Variants in DDB1 observed in about 807,000 individuals in gnomAD.
DDB1 encodes damage specific DNA binding protein 1, also known as DNA damage-binding protein 1.
A neutral mutation model predicts 133.1 loss-of-function variants in DDB1; 18 were observed. That is an observed-to-expected ratio of 0.14 (90% CI 0.09 to 0.20). DDB1 has a LOEUF of 0.20. Among genes scored for constraint, DDB1 ranks in the 10% least tolerant of loss-of-function variants. DDB1 has a pLI of 1.00. For synonymous variants in DDB1, 580 were observed against 550.5 expected (o/e 1.05, Z -0.75); for missense variants, 828 against 1,459.2 (o/e 0.57, Z 7.05).
chr11:61,307,080 G>C (rs894177522), intron 21 of DDB1, among the ~76,000 whole-genome samples: 1 of 152,272 alleles, frequency 6.6e-6, no homozygotes, highest in East Asian at 1.9e-4. Context: ...CTGTCACTCG[G>C]TTTGAGATCC....
In DDB1 at chr11:61,302,248, G is replaced by A. The variant is rs758316619; in HGVS notation, c.3215+9C>T. ...CTTCCCAGCAAGGGGATGGCTCTGGGAAGGATATAAGGAGTGCTCGATCTT... is the reference window on the plus strand; with the variant it reads ...CTTCCCAGCAAGGGGATGGCTCTGGAAAGGATATAAGGAGTGCTCGATCTT... On this transcript the variant is annotated intron_variant, in intron 25 of 26. Transcript: ENST00000301764. 9 of 1,612,506 alleles carry A rather than the reference G, an allele frequency of 5.6e-6. No individual in the cohort carries two copies. The highest frequency in any genetic ancestry group is 3.3e-4 in the Middle Eastern group (2 of 6,084).
intron 10 of DDB1, among the ~76,000 whole-genome samples, chr11:61,320,732 T>C (rs1197163093): frequency 6.6e-6 from 1 of 152,200 alleles, no homozygotes; most frequent in Non-Finnish European, 1.5e-5. Context: ...TATACAACTT[T>C]AAGGTGGTTT....
At chr11:61,315,400 C>T (rs1276214139) in intron 12 of DDB1, 1 of 152,180 alleles carries the variant, frequency 6.6e-6, no homozygotes, top group African/African-American at 2.4e-5. Context: ...TGGTGCCAGT[C>T]TTCAGGCCAA....
Position 61,302,574 on chromosome 11 carries a change from G to A in DDB1, c.3112+8C>T, listed in dbSNP as rs1855816673. 1.2e-6 allele frequency: 2 copies of A among 1,614,118 alleles called. No individual in the cohort carries two copies. Among genetic ancestry groups the A allele is most frequent in the East Asian group, 4.5e-5 (2 of 44,874 alleles). ...GTGTGGGGGTGTGCCCCACAGGGGT[G>A]ACCTTACCTATCATGCCGTTGACCG... is the stretch of plus-strand genomic sequence containing the variant. On this transcript the variant is annotated splice_region_variant and intron_variant, in intron 24 of 26. Coordinates refer to ENST00000301764, the MANE Select transcript of DDB1 (RefSeq NM_001923.5).
chr11:61,311,915 C>T lies in DDB1; in HGVS notation c.2166-20G>A. On this transcript the variant is annotated intron_variant, in intron 17 of 26. Coordinates refer to ENST00000301764, the MANE Select transcript of DDB1 (RefSeq NM_001923.5). ...ATCTTCCTGCAGAACAAGTACAGAA[C>T]AACAGTGTCACTTAGAAAGTCAGAA... 6.2e-7 allele frequency: 1 copy of T among 1,614,032 alleles called. No homozygotes were observed. The highest frequency in any genetic ancestry group is 1.7e-4 in the Middle Eastern group (1 of 6,060).
chr11:61,316,956 T>TAGATATATATAG (rs1297375112), intron 10 of DDB1, among the ~76,000 whole-genome samples: 1 of 10,976 alleles, frequency 9.1e-5, no homozygotes, highest in Non-Finnish European at 1.7e-4. Context: ...GATATATATA[T>TAGATATATATAG]ATATATATAT....
In DDB1 at chr11:61,316,320, A is replaced by G; in HGVS notation, c.1375T>C (p.Phe459Leu). ...MGFVDDQQTFFCGNVAHQQLI... is the reference protein window; with the variant it reads ...MGFVDDQQTFLCGNVAHQQLI... ...TGCTGATGAGCCACGTTGCCACAGA[A>G]GAAAGTCTGCTGATCATCCACGAAA... Residue 459 changes from phenylalanine to leucine, a missense_variant, in exon 12 of 27, where the codon TTC becomes CTC. Physicochemically the swap from Phe to Leu is conservative, Grantham distance 22 (BLOSUM62 0). Transcript: ENST00000301764. 6.2e-7 allele frequency: 1 copy of G among 1,614,202 alleles called. No individual in the cohort carries two copies. Among genetic ancestry groups the G allele is most frequent in the Non-Finnish European group, 8.5e-7 (1 of 1,180,036 alleles).
intron 24 of DDB1, 101 bp downstream of exon 24, chr11:61,302,481 T>C (rs974584607): frequency 6.3e-7 from 1 of 1,582,504 alleles, no homozygotes; most frequent in South Asian, 1.1e-5. Context: ...CCTCCTCTAG[T>C]AAACACCTAG....
chr11:61,324,637 A>G (rs1405281918), intron 6 of DDB1, among the ~76,000 whole-genome samples: 3 of 152,156 alleles, frequency 2.0e-5, no homozygotes, highest in Non-Finnish European at 4.4e-5. Flanking sequence ...GACTCAAGCC[A>G]TCCTCCCAAG....
chr11:61,317,006 G>A (rs1184653551), intron 10 of DDB1, among the ~76,000 whole-genome samples: 4 of 108,142 alleles, frequency 3.7e-5, no homozygotes, highest in African/African-American at 6.4e-5. Flanking sequence ...TATAGACATG[G>A]CAGCCTGACA....
chr11:61,310,722 A>G (rs897519161), intron 18 of DDB1: 1 of 218,112 alleles, frequency 4.6e-6, no homozygotes, highest in Non-Finnish European at 9.0e-6. Context: ...CTCAATGGGA[A>G]GAGGAGGGGG....
chr11:61,317,125 T>A (rs1856100383), intron 10 of DDB1, among the ~76,000 whole-genome samples: 1 of 151,196 alleles, frequency 6.6e-6, no homozygotes, highest in African/African-American at 2.4e-5. Context: ...TGTTTGCTTG[T>A]TTTTTTTGAG....
intron 12 of DDB1, chr11:61,315,418 A>G (rs1378150738): frequency 2.0e-5 from 3 of 152,202 alleles, no homozygotes; most frequent in African/African-American, 2.4e-5. Context: ...CAATAGTTAG[A>G]TAACACTGAC....
At position 61,311,999 on chromosome 11, in the gene DDB1, CAT is replaced by C. The variant is rs1330105146; in HGVS notation, c.2153_2154del (p.Tyr718Ter). The C allele has an allele frequency of 6.2e-7, 1 of 1,614,234 alleles. No individual in the cohort carries two copies. On this transcript the variant is annotated frameshift_variant, in exon 17 of 27. Transcript: ENST00000301764. LOFTEE classifies it high-confidence loss of function. Reference protein sequence around the residue: ...QKLHIRTVPLYESPRKICYQE... With the variant: ...QKLHIRTVPLXESPRKICYQE... ...CACCCTGGGCCTCACCTTGGAGACTCATAGAGGGGAACTGTGCGAATGTGCAG... is the reference window on the plus strand; with the variant it reads ...CACCCTGGGCCTCACCTTGGAGACTCAGAGGGGAACTGTGCGAATGTGCAG...
chr11:61,312,740 A>G (rs1028619363), intron 16 of DDB1, among the ~76,000 whole-genome samples: 1 of 152,070 alleles, frequency 6.6e-6, no homozygotes, highest in Non-Finnish European at 1.5e-5. Flanking sequence ...CTGGGATTAC[A>G]GGTGCCTGCC....
Position 61,330,050 on chromosome 11 carries a change from T to C in DDB1, c.235A>G (p.Ile79Val). The C allele has an allele frequency of 3.1e-6, 5 of 1,613,748 alleles. No homozygotes were observed. The highest frequency in any genetic ancestry group is 2.2e-5 in the East Asian group (1 of 44,864). The change falls in exon 3 of 27, where the codon ATC becomes GTC. Residue 79 changes from isoleucine (I) to valine (V), a missense_variant. Around this residue, in one of 7 missense-constraint regions of DDB1, gnomAD observed 210 missense variants for 344.8 expected, o/e 0.61. Coordinates refer to ENST00000301764, the MANE Select transcript of DDB1 (RefSeq NM_001923.5). ...CAGGCATTGTACTTCGCTGTCAAGA[T>C]AAACAGCAGGTCCTTGCTCTCCCCC... Reference protein sequence around the residue: ...PKGESKDLLFILTAKYNACIL... With the variant: ...PKGESKDLLFVLTAKYNACIL...
At chr11:61,323,921 T>C in intron 7 of DDB1, 58 bp downstream of exon 7, 19 of 1,589,200 alleles carry the variant, frequency 1.2e-5, no homozygotes, top group East Asian at 2.2e-5. Context: ...GACCACACAT[T>C]TGGTGTCTTT....
chr11:61,309,839 T>C lies in DDB1; in HGVS notation c.2523A>G (p.Ala841=). ...VGTAMVYPEE[A]EPKQGRIVVF... Reference sequence around the variant, plus strand: ...CCACAATGCGACCCTGCTTGGGCTCTGCCTCTTCAGGATACACCATTGCTG... The same window carrying C: ...CCACAATGCGACCCTGCTTGGGCTCCGCCTCTTCAGGATACACCATTGCTG... The change falls in exon 20 of 27, where the codon GCA becomes GCG. Residue 841 remains alanine, a synonymous_variant. Coordinates refer to ENST00000301764, the MANE Select transcript of DDB1 (RefSeq NM_001923.5). The C allele has an allele frequency of 1.2e-6, 2 of 1,614,190 alleles. No homozygotes were observed. The highest frequency in any genetic ancestry group is 2.2e-5 in the South Asian group (2 of 91,078).
chr11:61,300,390 C>A (rs1855773208), intron 26 of DDB1, among the ~76,000 whole-genome samples, 171 bp from the exon 27 acceptor site: 2 of 152,324 alleles, frequency 1.3e-5, no homozygotes, highest in South Asian at 4.1e-4. Context: ...AGCAAGGACA[C>A]CACCTGGTCT....
Sources: allele counts gnomAD v4.1 joint callset (sites outside exome capture counted in the v4.1 genomes callset), GRCh38; gene constraint gnomAD v4.1.1; regional missense constraint gnomAD v4.1.1; transcripts MANE v1.5; gene names NCBI Gene and HGNC (gene_info 2026-07-23, HGNC 2026-07-21).